Variants in ANKS1A observed in about 807,000 individuals in gnomAD.
The protein encoded by ANKS1A is ankyrin repeat and SAM domain-containing protein 1A.
In ANKS1A, 55 loss-of-function variants were observed where a neutral mutation model predicts 120.3. That is an observed-to-expected ratio of 0.46 (90% CI 0.37 to 0.57). ANKS1A has a LOEUF of 0.57. ANKS1A is among the 20% of genes least tolerant of loss of function. The pLI is 0.00. For missense variants in ANKS1A, 1,123 were observed against 1,480.3 expected (o/e 0.76, Z 3.96); for synonymous variants, 590 against 604.7 (o/e 0.98, Z 0.36).
chr6:35,055,251 A>T (rs1776158855), intron 12 of ANKS1A, among the ~76,000 whole-genome samples: 1 of 151,966 alleles, frequency 6.6e-6, no homozygotes, highest in South Asian at 2.1e-4. Flanking sequence ...ATGTCTCTGC[A>T]CCCCTCACCC....
intron 11 of ANKS1A, among the ~76,000 whole-genome samples, chr6:35,052,259 A>T (rs983833265): frequency 6.6e-6 from 1 of 152,062 alleles, no homozygotes; most frequent in African/African-American, 2.4e-5. Context: ...ACCAGCCTGG[A>T]CAACATGATG....
At chr6:34,952,355 C>T (rs746340463) in intron 1 of ANKS1A, among the ~76,000 whole-genome samples, 1 of 152,132 alleles carries the variant, frequency 6.6e-6, no homozygotes, top group Non-Finnish European at 1.5e-5. Context: ...ATTGTTCAGG[C>T]CAGGATGCTG....
chr6:35,088,866 C>T lies in ANKS1A; in HGVS notation c.*257C>T. The T allele has an allele frequency of 1.4e-6, 2 of 1,431,668 alleles. No homozygotes were observed. The highest frequency in any genetic ancestry group is 1.8e-6 in the Non-Finnish European group (2 of 1,097,640). 88.7% of individuals were successfully genotyped at this position (1,431,668 alleles called of 1,614,324 possible). ...CCAGAGGGTCAAGAAGTGACTTGTT[C>T]AGAACACATTGTTTTTAACAGAAAA... On this transcript the variant is annotated 3_prime_UTR_variant, in exon 24 of 24. Transcript: ENST00000360359.
At chr6:35,062,499 G>A (rs913491947) in intron 13 of ANKS1A, among the ~76,000 whole-genome samples, 14 of 152,228 alleles carry the variant, frequency 9.2e-5, no homozygotes, top group African/African-American at 3.4e-4. Context: ...AGGCTACAAT[G>A]TTTCCCTTGG....
In ANKS1A at chr6:34,921,253, C is replaced by T. The variant is rs187901708; in HGVS notation, c.197+31654C>T. 7.3e-3 allele frequency among the ~76,000 whole-genome samples: 1,119 copies of T among 152,268 alleles called. 10 individuals are homozygous for T. Among genetic ancestry groups the T allele is most frequent in the Middle Eastern group, 0.034 (10 of 294 alleles). On this transcript the variant is annotated intron_variant, in intron 1 of 23. Transcript: ENST00000360359. The stretch of plus-strand genomic sequence containing the variant: ...TCAAGACTTTCTTTATCAAAATATG[C>T]CTTTGGGTCAAATCATAGTCTCTTC...
In ANKS1A at chr6:35,089,863, T is replaced by C. The variant is rs1778207028; in HGVS notation, c.*1254T>C. On this transcript the variant is annotated 3_prime_UTR_variant, in exon 24 of 24. Coordinates refer to ENST00000360359, the MANE Select transcript of ANKS1A (RefSeq NM_015245.3). ...TGCCCAGTTCCTCCTGTGGGCACTT[T>C]AGCAGGCTCCGAGCTTTCCTGGCAT... 7 of 1,091,002 alleles carry C rather than the reference T, an allele frequency of 6.4e-6. 1 individual carries two copies. In the South Asian group the frequency reaches 1.0e-4, roughly 16 times the overall value. 67.6% of individuals were successfully genotyped at this position (1,091,002 alleles called of 1,614,324 possible). A position where few individuals can be genotyped will look rare whatever the true frequency, so the allele number is the denominator to read the frequency against.
At chr6:35,025,105 T>C (rs1300488973) in intron 11 of ANKS1A, among the ~76,000 whole-genome samples, 1 of 152,088 alleles carries the variant, frequency 6.6e-6, no homozygotes, top group Non-Finnish European at 1.5e-5. Flanking sequence ...CCTTTATATT[T>C]CCATTGGCTT....
chr6:35,084,354 C>A lies in ANKS1A; in HGVS notation c.3132+96C>A. The A allele has an allele frequency of 6.7e-7, 1 of 1,496,534 alleles. No homozygotes were observed. Among genetic ancestry groups the A allele is most frequent in the Non-Finnish European group, 8.9e-7 (1 of 1,121,628 alleles). The allele number at this position is 1,496,534 out of a possible 1,614,324, so 92.7% of individuals were successfully genotyped here. On this transcript the variant is annotated intron_variant, in intron 21 of 23. Coordinates refer to ENST00000360359, the MANE Select transcript of ANKS1A (RefSeq NM_015245.3). This position sits in a 1 kb window ranked among gnomAD's most constrained non-coding sequence, Gnocchi z 4.8. ...GGCACAGATGCGGCGCTGTCCTGGC[C>A]CCTGGCCAGTGCCTGGCAAATGTTT...
chr6:35,033,032 G>A (rs1459817059), intron 11 of ANKS1A, among the ~76,000 whole-genome samples: 1 of 152,212 alleles, frequency 6.6e-6, no homozygotes, highest in African/African-American at 2.4e-5. Context: ...GCCCGTTCCT[G>A]CCTCCATATA....
At chr6:34,902,360 T>C (rs1197293988) in intron 1 of ANKS1A, among the ~76,000 whole-genome samples, 1 of 151,934 alleles carries the variant, frequency 6.6e-6, no homozygotes, top group African/African-American at 2.4e-5. Context: ...ACAATTCTCC[T>C]GCCTCAGCCT....
chr6:35,052,578 C>T (rs1776021600), intron 11 of ANKS1A, among the ~76,000 whole-genome samples: 1 of 139,804 alleles, frequency 7.2e-6, no homozygotes, highest in Non-Finnish European at 1.5e-5. Context: ...TTGAGAGCAG[C>T]CTGGACAACA....
chr6:35,067,885 A>ATTTTTTTT (rs1561952442), intron 13 of ANKS1A, among the ~76,000 whole-genome samples: 1 of 115,836 alleles, frequency 8.6e-6, no homozygotes. Flanking sequence ...CTTCATTTTC[A>ATTTTTTTT]ATTTTTTTTT....
chr6:35,017,514 G>T lies in ANKS1A; in HGVS notation c.1465G>T (p.Glu489Ter). 6.2e-7 allele frequency: 1 copy of T among 1,613,824 alleles called. No individual in the cohort carries two copies. The highest frequency in any genetic ancestry group is 1.1e-5 in the South Asian group (1 of 91,042). The part of the protein sequence containing the change: ...SSSSRSQDSA[E>*]GQDGQVPEQF... ...CAGCAGCCGGAGCCAGGACTCTGCG[G>T]AGGGGCAGGACGGGCAGGTCCCAGA... The change falls in exon 11 of 24, where the codon GAG (glutamate) becomes TAG (stop). Residue 489 changes from glutamate (E) to a stop codon, truncating the protein, a stop_gained. Transcript: ENST00000360359. LOFTEE classifies it high-confidence loss of function.
chr6:34,891,964 T>A (rs1766847928), intron 1 of ANKS1A, among the ~76,000 whole-genome samples: 1 of 152,248 alleles, frequency 6.6e-6, no homozygotes, highest in Admixed American at 6.5e-5. Context: ...ACTCGGAGAC[T>A]ATTGAAATTC....
chr6:34,942,951 T>G (rs1188886288), intron 1 of ANKS1A, among the ~76,000 whole-genome samples: 2 of 149,280 alleles, frequency 1.3e-5, no homozygotes, highest in Non-Finnish European at 3.0e-5. Context: ...TCCTTTCCCC[T>G]TTCCCCTTTC....
At chr6:34,974,808 G>T (rs1330753408) in intron 3 of ANKS1A, among the ~76,000 whole-genome samples, 1 of 152,118 alleles carries the variant, frequency 6.6e-6, no homozygotes, top group Admixed American at 6.5e-5. Flanking sequence ...TAATATTTGA[G>T]ATACTAATTT....
intron 11 of ANKS1A, chr6:35,023,570 G>A: frequency 2.2e-6 from 1 of 458,390 alleles, no homozygotes; most frequent in Non-Finnish European, 4.5e-6. Context: ...ACTGAATATT[G>A]GTTGAAAGGA....
intron 1 of ANKS1A, among the ~76,000 whole-genome samples, chr6:34,944,674 C>A (rs960388569): frequency 2.6e-5 from 4 of 152,190 alleles, no homozygotes; most frequent in Non-Finnish European, 4.4e-5. Flanking sequence ...GTCAGCCCCA[C>A]AGAATCTGCA....
intron 11 of ANKS1A, among the ~76,000 whole-genome samples, chr6:35,043,198 C>T (rs1338551862): frequency 6.6e-6 from 1 of 152,166 alleles, no homozygotes; most frequent in Non-Finnish European, 1.5e-5. Context: ...TTGCCACATG[C>T]AGATGAATAG....
Sources: gnomAD v4.1 joint callset for allele counts (sites outside exome capture counted in the v4.1 genomes callset) on GRCh38, gnomAD v4.1.1 for gene constraint, Gnocchi (gnomAD v3.1) non-coding constraint, MANE v1.5 for transcripts, NCBI Gene and HGNC (gene_info 2026-07-23, HGNC 2026-07-21) for gene names.